The following ARHGEF7 variants were observed in gnomAD, a reference collection of about 807,000 sequenced individuals.
ARHGEF7 encodes the protein Rho guanine nucleotide exchange factor 7, also known as PAK-interacting exchange factor beta.
In ARHGEF7, 33 loss-of-function variants were observed where a neutral mutation model predicts 109.8. The observed-to-expected ratio is 0.30, with a 90% CI of 0.23 to 0.40. The LOEUF (loss-of-function observed/expected upper bound fraction) is 0.40. Ranked by LOEUF, ARHGEF7 falls within the 10% of genes least tolerant of loss-of-function variation. The pLI is 1.00. For missense variants in ARHGEF7, 938 were observed against 1,098.5 expected, an observed-to-expected ratio of 0.85 and a Z score of 2.07; for synonymous variants, 458 against 424.6, an observed-to-expected ratio of 1.08 and a Z score of -0.97.
intron 1 of ARHGEF7, chr13:111,153,596 C>G (rs904962620): frequency 2.7e-6 from 3 of 1,130,468 alleles, no homozygotes; most frequent in Admixed American, 5.3e-5. Context: ...ACACCCGACG[C>G]TATCCGAAGA....
intron 5 of ARHGEF7, among the ~76,000 whole-genome samples, chr13:111,221,579 CTA>C (rs199904499): frequency 9.0e-4 from 56 of 61,932 alleles, no homozygotes; most frequent in East Asian, 3.0e-3. Flanking sequence ...AGATACATAT[CTA>C]TATATATCTA....
chr13:111,206,233 A>AAG (rs2081826246), intron 3 of ARHGEF7, among the ~76,000 whole-genome samples: 1 of 147,274 alleles, frequency 6.8e-6, no homozygotes, highest in South Asian at 2.2e-4. Context: ...GGCCCTTCAG[A>AAG]GGGGGGGGTG....
intron 6 of ARHGEF7, among the ~76,000 whole-genome samples, chr13:111,238,904 A>C (rs902874214): frequency 2.0e-5 from 3 of 152,096 alleles, no homozygotes; most frequent in Non-Finnish European, 4.4e-5. Flanking sequence ...GAAATACCCG[A>C]GACTGGGCAA....
chr13:111,271,042 G>A (rs548497803), intron 9 of ARHGEF7, among the ~76,000 whole-genome samples: 2 of 152,318 alleles, frequency 1.3e-5, no homozygotes, highest in African/African-American at 4.8e-5. Flanking sequence ...GGTGCAGAGC[G>A]TCAGCTGTTC....
At chr13:111,150,726 A>G (rs1038294875) in intron 1 of ARHGEF7, among the ~76,000 whole-genome samples, 1 of 152,190 alleles carries the variant, frequency 6.6e-6, no homozygotes, top group Non-Finnish European at 1.5e-5. Context: ...AAGCTTTACA[A>G]TAAAGTTCCC....
At chr13:111,301,401 T>G (rs1196343945) in intron 20 of ARHGEF7, 77 bp from the exon 21 acceptor site, 1 of 1,208,236 alleles carries the variant, frequency 8.3e-7, no homozygotes, top group East Asian at 2.3e-5. Context: ...AGCATCGTAG[T>G]GTCTCCTGGT....
At chr13:111,208,606 A>G (rs557491817) in intron 3 of ARHGEF7, among the ~76,000 whole-genome samples, 5 of 152,288 alleles carry the variant, frequency 3.3e-5, no homozygotes, top group African/African-American at 1.2e-4. Context: ...CCAGCAGAGC[A>G]CTGCAGACCA....
At chr13:111,136,905 A>C (rs2075114222) in intron 1 of ARHGEF7, among the ~76,000 whole-genome samples, 1 of 152,228 alleles carries the variant, frequency 6.6e-6, no homozygotes, top group South Asian at 2.1e-4. Context: ...AAAAATGATA[A>C]AGGGGATATC....
chr13:111,138,645 G>T (rs549415367), intron 1 of ARHGEF7, among the ~76,000 whole-genome samples: 2 of 152,290 alleles, frequency 1.3e-5, no homozygotes, highest in East Asian at 3.9e-4. Flanking sequence ...GTCTGAAGCA[G>T]CCTGCACCGC....
chr13:111,115,554 T>G lies in ARHGEF7; in HGVS notation c.28T>G (p.Trp10Gly). 1 of 1,406,322 alleles carries G rather than the reference T, an allele frequency of 7.1e-7. No homozygotes were observed. The allele number at this position is 1,406,322 out of a possible 1,614,324, so 87.1% of individuals were successfully genotyped here. A position where few individuals can be genotyped will look rare whatever the true frequency, so the allele number is the denominator to read the frequency against. MNSAEQTVT[W>G]LITLGVLESP... ...GAATTCCGCCGAGCAAACCGTTACG[T>G]GGCTCATCACTCTGGGGGTGCTGGA... is the stretch of plus-strand genomic sequence containing the variant. The change falls in exon 1 of 22, where the codon TGG becomes GGG. Residue 10 changes from tryptophan (W) to glycine (G), a missense_variant. Around this residue, in one of 4 missense-constraint regions of ARHGEF7, gnomAD observed 165 missense variants for 125.8 expected, o/e 1.31. Coordinates refer to ENST00000646102, the MANE Select transcript of ARHGEF7 (RefSeq NM_001354046.2).
chr13:111,138,052 GC>G (rs747164128), intron 1 of ARHGEF7, among the ~76,000 whole-genome samples: 4 of 152,162 alleles, frequency 2.6e-5, no homozygotes, highest in Non-Finnish European at 5.9e-5. Flanking sequence ...GGTGGCTCAC[GC>G]CTGTAATCCC....
At position 111,273,262 on chromosome 13, in the gene ARHGEF7, G is replaced by A. The variant is rs1417243342; in HGVS notation, c.1074-552G>A. On this transcript the variant is annotated intron_variant, in intron 9 of 21. Coordinates refer to ENST00000646102, the MANE Select transcript of ARHGEF7 (RefSeq NM_001354046.2). This position sits in a 1 kb window ranked among gnomAD's most constrained non-coding sequence, Gnocchi z 4.5. ...TTTTGAAGTTCTGAAGCCTAAATCA[G>A]CGTTTGCTCTCTTCTCTTGCTGCTT... Among the ~76,000 whole-genome samples the A allele has an allele frequency of 6.6e-6, 1 of 152,204 alleles. No homozygotes were observed. Among genetic ancestry groups the A allele is most frequent in the Non-Finnish European group, 1.5e-5 (1 of 68,040 alleles).
chr13:111,210,833 A>C (rs921749969), intron 4 of ARHGEF7, among the ~76,000 whole-genome samples: 4 of 152,184 alleles, frequency 2.6e-5, no homozygotes, highest in African/African-American at 9.6e-5. Flanking sequence ...AGAGAACCCT[A>C]TTCTAGAGTC....
chr13:111,281,432 C>T (rs977237257), intron 15 of ARHGEF7, among the ~76,000 whole-genome samples: 1 of 152,032 alleles, frequency 6.6e-6, no homozygotes, highest in Admixed American at 6.6e-5. Flanking sequence ...TCAGCTCTGT[C>T]GTGTGCTCAG....
chr13:111,210,550 A>G (rs748879401), intron 4 of ARHGEF7, among the ~76,000 whole-genome samples: 5 of 152,208 alleles, frequency 3.3e-5, no homozygotes, highest in African/African-American at 4.8e-5. Context: ...GGAGAGTGAA[A>G]AAATACTCGT....
Position 111,254,581 on chromosome 13 carries a change from T to C in ARHGEF7, c.950+10287T>C, listed in dbSNP as rs113488012. Among the ~76,000 whole-genome samples the C allele has an allele frequency of 1.0e-3, 127 of 126,008 alleles. 1 individual carries two copies. Among genetic ancestry groups the C allele is most frequent in the Middle Eastern group, 4.7e-3 (1 of 214 alleles). The allele number at this position is 126,008 out of a possible 152,430, so 82.7% of individuals were successfully genotyped here. A position where few individuals can be genotyped will look rare whatever the true frequency, so the allele number is the denominator to read the frequency against. On this transcript the variant is annotated intron_variant, in intron 8 of 21. Transcript: ENST00000646102. ...GGCGCTGAGTCACTAACGTGAAGGC[T>C]GGCCTCAGAAGAGGATTCGGGCTAA...
chr13:111,270,277 C>T (rs1279703664), intron 9 of ARHGEF7, among the ~76,000 whole-genome samples: 2 of 152,192 alleles, frequency 1.3e-5, no homozygotes, highest in Non-Finnish European at 2.9e-5. Flanking sequence ...TTGTGGCTGC[C>T]GTCAGCCCAC....
At chr13:111,190,150 G>A (rs1428243956) in intron 2 of ARHGEF7, among the ~76,000 whole-genome samples, 1 of 152,200 alleles carries the variant, frequency 6.6e-6, no homozygotes, top group Non-Finnish European at 1.5e-5. Context: ...GGTTCCATTT[G>A]TAAGACCATC....
chr13:111,301,076 G>A (rs962422720), intron 20 of ARHGEF7, among the ~76,000 whole-genome samples: 9 of 152,110 alleles, frequency 5.9e-5, no homozygotes, highest in Non-Finnish European at 1.5e-5. Flanking sequence ...AGCCTCCCGA[G>A]TAGCTGGGAT....
Sources: gnomAD v4.1 joint callset for allele counts (sites outside exome capture counted in the v4.1 genomes callset) on GRCh38, gnomAD v4.1.1 for gene constraint, gnomAD v4.1.1 regional missense constraint, Gnocchi (gnomAD v3.1) non-coding constraint, MANE v1.5 for transcripts, NCBI Gene and HGNC (gene_info 2026-07-23, HGNC 2026-07-21) for gene names.